CDH12: variants seen among roughly 807,000 people sequenced by gnomAD.
CDH12 encodes the protein cadherin-12.
CDH12 carries 41 observed loss-of-function variants against 74.1 expected under a neutral mutation model. The ratio of observed to expected loss-of-function variants is 0.55; its 90% confidence interval spans 0.43 to 0.72. CDH12 has a LOEUF of 0.72. Ranked by LOEUF, CDH12 falls within the 30% of genes least tolerant of loss-of-function variation. The pLI is 0.00. For missense variants in CDH12, 945 were observed against 977.2 expected (o/e 0.97, Z 0.44); for synonymous variants, 399 against 355.0 (o/e 1.12, Z -1.39).
chr5:22,282,954 G>T (rs1387258439), intron 3 of CDH12, among the ~76,000 whole-genome samples: 1 of 151,876 alleles, frequency 6.6e-6, no homozygotes, highest in African/African-American at 2.4e-5. Flanking sequence ...GTTTATTGGG[G>T]CACTGTTCAC....
At chr5:22,192,378 T>C (rs946428381) in intron 4 of CDH12, among the ~76,000 whole-genome samples, 3 of 151,772 alleles carry the variant, frequency 2.0e-5, no homozygotes, top group African/African-American at 7.2e-5. Context: ...GACAAACTAA[T>C]AAAATAATGA....
chr5:21,767,906 C>CT (rs1745115569), intron 11 of CDH12, among the ~76,000 whole-genome samples: 1 of 151,660 alleles, frequency 6.6e-6, no homozygotes, highest in South Asian at 2.1e-4. Context: ...AGTAATACAG[C>CT]ATACTTTAAT....
chr5:22,127,431 C>CTGGACTCCATT (rs1745938492), intron 4 of CDH12, among the ~76,000 whole-genome samples: 1 of 149,720 alleles, frequency 6.7e-6, no homozygotes, highest in South Asian at 2.1e-4. Context: ...GTGCCAAGAC[C>CTGGACTCCATT]GCATCATTGC....
intron 3 of CDH12, among the ~76,000 whole-genome samples, chr5:22,300,262 G>T (rs1561294597): frequency 6.6e-6 from 1 of 152,162 alleles, no homozygotes. Context: ...CTTTGTAAAA[G>T]CTACAGCTAT....
intron 1 of CDH12, among the ~76,000 whole-genome samples, chr5:22,677,227 G>T (rs1011011611): frequency 1.3e-5 from 2 of 152,088 alleles, no homozygotes; most frequent in Non-Finnish European, 2.9e-5. Flanking sequence ...CTGTCTCAAG[G>T]TAAGTGCCTT....
At chr5:22,075,623 T>C (rs1192496679) in intron 5 of CDH12, among the ~76,000 whole-genome samples, 1 of 152,128 alleles carries the variant, frequency 6.6e-6, no homozygotes. Flanking sequence ...ATGTTTATGT[T>C]ATATGTATTC....
intron 2 of CDH12, among the ~76,000 whole-genome samples, chr5:22,450,186 A>C (rs1484594054): frequency 6.6e-6 from 1 of 152,026 alleles, no homozygotes; most frequent in South Asian, 2.1e-4. Context: ...CAACTTTGTA[A>C]GCGAAACCTG....
At chr5:22,078,948 T>A in intron 4 of CDH12, 86 bp from the exon 5 acceptor site, 1 of 570,228 alleles carries the variant, frequency 1.8e-6, no homozygotes, top group Non-Finnish European at 2.4e-6. Flanking sequence ...CTGCCAACAT[T>A]TAAGGAAACC....
intron 6 of CDH12, among the ~76,000 whole-genome samples, chr5:21,918,835 G>C (rs1167719793): frequency 4.6e-5 from 7 of 151,886 alleles, no homozygotes; most frequent in Admixed American, 4.6e-4. Flanking sequence ...AATTCAGATG[G>C]GAAATGCATA....
chr5:21,978,021 A>G (rs1038774143), intron 5 of CDH12, among the ~76,000 whole-genome samples: 1 of 152,216 alleles, frequency 6.6e-6, no homozygotes, highest in African/African-American at 2.4e-5. Context: ...TTTTGATATT[A>G]AATAAATGAC....
At position 22,411,207 on chromosome 5, in the gene CDH12, CAT is replaced by C. The variant is rs1471564007; in HGVS notation, c.-427-5858_-427-5857del. Among the ~76,000 whole-genome samples, 4 of 151,870 alleles carry C rather than the reference CAT, an allele frequency of 2.6e-5. No individual in the cohort carries two copies. The East Asian group carries it at 7.7e-4, about 29-fold the overall frequency. The stretch of plus-strand genomic sequence containing the variant: ...TAAAAATCCATTTATAAATTAAAAA[CAT>C]ATGAAATGTATTACATAGTATAAAA... On this transcript the variant is annotated intron_variant, in intron 2 of 14. Transcript: ENST00000382254.
intron 1 of CDH12, among the ~76,000 whole-genome samples, chr5:22,801,199 G>A (rs562847534): frequency 6.6e-6 from 1 of 152,294 alleles, no homozygotes; most frequent in South Asian, 2.1e-4. Context: ...ACATTAGCCA[G>A]AATTTGGTGG....
chr5:22,094,000 T>G (rs1438480404), intron 4 of CDH12, among the ~76,000 whole-genome samples: 1 of 152,188 alleles, frequency 6.6e-6, no homozygotes. Context: ...GATTTACATG[T>G]GCTAGTGCCT....
At chr5:22,537,918 G>A (rs1737928913) in intron 1 of CDH12, among the ~76,000 whole-genome samples, 1 of 152,190 alleles carries the variant, frequency 6.6e-6, no homozygotes, top group Non-Finnish European at 1.5e-5. Context: ...CAGTTGCTTA[G>A]AGCAGAGTTT....
intron 1 of CDH12, among the ~76,000 whole-genome samples, chr5:22,681,708 C>T (rs1391164391): frequency 6.6e-6 from 1 of 151,926 alleles, no homozygotes. Context: ...AAAAGTGTCA[C>T]TATATATAAA....
At chr5:22,437,260 T>C (rs1744435632) in intron 2 of CDH12, among the ~76,000 whole-genome samples, 1 of 151,872 alleles carries the variant, frequency 6.6e-6, no homozygotes, top group South Asian at 2.1e-4. Context: ...TGAAATAATT[T>C]TATCTACTTG....
intron 1 of CDH12, among the ~76,000 whole-genome samples, chr5:22,825,940 T>C (rs1307348277): frequency 6.6e-6 from 1 of 152,212 alleles, no homozygotes; most frequent in Admixed American, 6.5e-5. Context: ...TTAGGACACA[T>C]GTCATTCACT....
intron 3 of CDH12, among the ~76,000 whole-genome samples, chr5:22,257,468 TTTTA>T (rs1477636382): frequency 2.8e-5 from 4 of 142,300 alleles, no homozygotes; most frequent in African/African-American, 1.1e-4. Context: ...AGGTTGCAAT[TTTTA>T]TTTTTTATTT....
intron 1 of CDH12, chr5:22,580,286 G>A (rs1740017099): frequency 2.6e-6 from 1 of 389,134 alleles, no homozygotes; most frequent in Non-Finnish European, 5.2e-6. Context: ...GGATGGCAAA[G>A]AGGTCGTCGA....
Sources: gnomAD v4.1 joint callset for allele counts (sites outside exome capture counted in the v4.1 genomes callset) on GRCh38, gnomAD v4.1.1 for gene constraint, MANE v1.5 for transcripts, NCBI Gene and HGNC (gene_info 2026-07-23, HGNC 2026-07-21) for gene names.